Variants in TSPAN14 observed in about 807,000 individuals in gnomAD.
TSPAN14 encodes the protein tetraspanin 14.
TSPAN14 carries 16 observed loss-of-function variants against 36.6 expected under a neutral mutation model. That is an observed-to-expected ratio of 0.44 (90% CI 0.30 to 0.66). TSPAN14 has a LOEUF of 0.66. TSPAN14 is among the 30% of genes least tolerant of loss of function. The pLI, the probability that TSPAN14 is intolerant of heterozygous loss-of-function variation, is 0.12. For synonymous variants in TSPAN14, 139 were observed against 143.8 expected (o/e 0.97, Z 0.24); for missense variants, 231 against 355.1 (o/e 0.65, Z 2.81).
Position 80,509,695 on chromosome 10 carries a change from A to G in TSPAN14, c.450+224A>G. 2 of 556,700 alleles carry G rather than the reference A, an allele frequency of 3.6e-6. No homozygotes were observed. Among genetic ancestry groups the G allele is most frequent in the Non-Finnish European group, 3.2e-6 (1 of 317,364 alleles). 34.5% of individuals were successfully genotyped at this position (556,700 alleles called of 1,614,324 possible). On this transcript the variant is annotated intron_variant, in intron 5 of 8. Coordinates refer to ENST00000429989, the Ensembl canonical transcript of TSPAN14. This position sits in a 1 kb window ranked among gnomAD's most constrained non-coding sequence, Gnocchi z 4.7. ...CTTTCCCATTGGGATTGGGCAGGCA[A>G]GTCCAGCTGTACCCGAGGCCACCCA... is the stretch of plus-strand genomic sequence containing the variant.
chr10:80,462,405 ATAGAGTTCTGTTTATGC>A (rs1846027241), intron 1 of TSPAN14, among the ~76,000 whole-genome samples: 1 of 148,840 alleles, frequency 6.7e-6, no homozygotes, highest in Non-Finnish European at 1.5e-5. Flanking sequence ...TTCTACATAG[ATAGAGTTCTGTTTATGC>A]AGCACTCCCT....
At chr10:80,519,735 T>G (rs1473546937) in exon 9 of TSPAN14, 1 of 152,432 alleles carries the variant, frequency 6.6e-6, no homozygotes, top group African/African-American at 2.4e-5. Flanking sequence ...TATGTAGACC[T>G]TACAGAAGGA....
chr10:80,479,205 T>A (rs2131989644), intron 1 of TSPAN14, among the ~76,000 whole-genome samples: 1 of 151,688 alleles, frequency 6.6e-6, no homozygotes, highest in Non-Finnish European at 1.5e-5. Flanking sequence ...CTTTGTCAGA[T>A]GAGTAGGTTG....
chr10:80,483,178 C>T (rs913316683), intron 1 of TSPAN14, among the ~76,000 whole-genome samples: 1 of 152,194 alleles, frequency 6.6e-6, no homozygotes, highest in Non-Finnish European at 1.5e-5. Context: ...TTTATGATGA[C>T]TGCCAGCCTT....
intron 1 of TSPAN14, among the ~76,000 whole-genome samples, chr10:80,459,122 A>C (rs1031218637): frequency 6.6e-5 from 10 of 152,176 alleles, no homozygotes; most frequent in Non-Finnish European, 1.2e-4. Context: ...TAGGCCTGAC[A>C]CTGGTGTGAG....
intron 7 of TSPAN14, 167 bp from the exon 8 acceptor site, chr10:80,516,037 A>T (rs745324094): frequency 3.1e-5 from 30 of 969,688 alleles, no homozygotes; most frequent in Non-Finnish European, 4.5e-5. Flanking sequence ...CGAGGGGCAG[A>T]GGCTGAGAGG....
At chr10:80,507,145 T>C in intron 3 of TSPAN14, 83 bp from the exon 4 acceptor site, 1 of 1,545,628 alleles carries the variant, frequency 6.5e-7, no homozygotes, top group Non-Finnish European at 8.9e-7. Context: ...GTCCCTGTTT[T>C]CAGTACCACC....
At chr10:80,520,018 T>A (rs1479373751) in exon 9 of TSPAN14, 1 of 154,802 alleles carries the variant, frequency 6.5e-6, no homozygotes, top group Non-Finnish European at 1.4e-5. Flanking sequence ...TTGGGGACAC[T>A]GAGTCGAAGT....
chr10:80,455,486 C>T (rs192596676), intron 1 of TSPAN14, among the ~76,000 whole-genome samples: 1 of 152,238 alleles, frequency 6.6e-6, no homozygotes, highest in African/African-American at 2.4e-5. Context: ...TGCTCTTGGG[C>T]TAGTGAGAGA....
chr10:80,476,419 T>G (rs781478046), intron 1 of TSPAN14, among the ~76,000 whole-genome samples: 5,560 of 143,008 alleles, frequency 0.039, 148 homozygotes, highest in South Asian at 0.087. Context: ...GTTTTTTTTT[T>G]TTTTTTTTTT....
At position 80,509,225 on chromosome 10, in the gene TSPAN14, G is replaced by C. The variant is rs1396043726; in HGVS notation, c.280-76G>C. 2.7e-6 allele frequency: 4 copies of C among 1,503,614 alleles called. No individual in the cohort carries two copies. The highest frequency in any genetic ancestry group is 3.6e-6 in the Non-Finnish European group (4 of 1,103,790). The allele number at this position is 1,503,614 out of a possible 1,614,324, so 93.1% of individuals were successfully genotyped here. A position where few individuals can be genotyped will look rare whatever the true frequency, so the allele number is the denominator to read the frequency against. On this transcript the variant is annotated intron_variant, in intron 4 of 8. Transcript: ENST00000429989. This position sits in a 1 kb window ranked among gnomAD's most constrained non-coding sequence, Gnocchi z 4.7. Reference sequence around the variant, plus strand: ...CGCTCTGCTGAGGATGGTGGTTCTGGGTCAGGTGGGGTTATGTGTGTGGGG... The same window carrying C: ...CGCTCTGCTGAGGATGGTGGTTCTGCGTCAGGTGGGGTTATGTGTGTGGGG...
At chr10:80,464,196 G>C (rs977258085) in intron 1 of TSPAN14, among the ~76,000 whole-genome samples, 1 of 152,168 alleles carries the variant, frequency 6.6e-6, no homozygotes, top group African/African-American at 2.4e-5. Context: ...CAGTGTCAGG[G>C]GTTGGTGTGA....
chr10:80,496,097 A>G lies in TSPAN14; in HGVS notation c.81+6783A>G, dbSNP rs572306128. 6.9e-4 allele frequency among the ~76,000 whole-genome samples: 105 copies of G among 152,278 alleles called. 3 individuals carry two copies. In the South Asian group the frequency reaches 0.021, roughly 31 times the overall value. Reference sequence around the variant, plus strand: ...TAATTTCTTATTTTTTAATTGTACAATATACGTAACAGAACATTTGTTATT... The same window carrying G: ...TAATTTCTTATTTTTTAATTGTACAGTATACGTAACAGAACATTTGTTATT... On this transcript the variant is annotated intron_variant, in intron 2 of 8. Coordinates refer to ENST00000429989, the Ensembl canonical transcript of TSPAN14.
chr10:80,486,421 T>C (rs1423208594), intron 1 of TSPAN14, among the ~76,000 whole-genome samples: 1 of 152,166 alleles, frequency 6.6e-6, no homozygotes, highest in Admixed American at 6.5e-5. Context: ...GGAGCAGAGG[T>C]GAGCCACCAA....
chr10:80,508,899 C>T (rs1000098560), intron 4 of TSPAN14, among the ~76,000 whole-genome samples: 1 of 152,056 alleles, frequency 6.6e-6, no homozygotes, highest in African/African-American at 2.4e-5. Context: ...GAGCCGACAC[C>T]CCAGGATGCC....
At chr10:80,461,181 C>T (rs1302352474) in intron 1 of TSPAN14, among the ~76,000 whole-genome samples, 1 of 152,208 alleles carries the variant, frequency 6.6e-6, no homozygotes, top group Non-Finnish European at 1.5e-5. Context: ...GGGCCGGCTC[C>T]CTCCAGCCTA....
exon 9 of TSPAN14, chr10:80,519,131 C>T (rs1022372369): frequency 6.5e-6 from 1 of 152,756 alleles, no homozygotes; most frequent in Non-Finnish European, 1.5e-5. Context: ...GGCCATGTAC[C>T]CAGGGCTGGC....
chr10:80,512,166 G>T, exon 6 of TSPAN14: 1 of 1,614,206 alleles, frequency 6.2e-7, no homozygotes, highest in South Asian at 1.1e-5. Context: ...GGCGCATATG[G>T]CCCTGAAGAC....
At chr10:80,506,955 C>T (rs988420720) in intron 3 of TSPAN14, among the ~76,000 whole-genome samples, 1 of 152,258 alleles carries the variant, frequency 6.6e-6, no homozygotes, top group South Asian at 2.1e-4. Context: ...AGGCACCCCA[C>T]AGGCTGCAGA....
Sources: gnomAD v4.1 joint callset for allele counts (sites outside exome capture counted in the v4.1 genomes callset) on GRCh38, gnomAD v4.1.1 for gene constraint, Gnocchi (gnomAD v3.1) non-coding constraint, MANE v1.5 for transcripts, NCBI Gene and HGNC (gene_info 2026-07-23, HGNC 2026-07-21) for gene names.